ADAMTSL1: variants seen among roughly 807,000 people sequenced by gnomAD.
The protein encoded by ADAMTSL1 is ADAMTS like 1.
ADAMTSL1 carries 126 observed loss-of-function variants against 201.8 expected under a neutral mutation model. That is an observed-to-expected ratio of 0.62 (90% CI 0.54 to 0.72). The LOEUF is 0.72. Among genes scored for constraint, ADAMTSL1 ranks in the 30% least tolerant of loss-of-function variants. The pLI, the probability that ADAMTSL1 is intolerant of heterozygous loss-of-function variation, is 0.00. For missense variants in ADAMTSL1, 2,679 were observed against 2,277.8 expected (o/e 1.18, Z -3.59); for synonymous variants, 1,121 against 903.4 (o/e 1.24, Z -4.32).
intron 1 of ADAMTSL1, among the ~76,000 whole-genome samples, chr9:18,081,694 C>T (rs1420655909): frequency 2.0e-5 from 3 of 152,032 alleles, no homozygotes; most frequent in Non-Finnish European, 4.4e-5. Flanking sequence ...TTTGTTTGTA[C>T]CTCTCCCAAA....
chr9:18,461,501 G>A (rs1382480544), intron 2 of ADAMTSL1, among the ~76,000 whole-genome samples: 2 of 152,048 alleles, frequency 1.3e-5, no homozygotes, highest in Admixed American at 1.3e-4. Flanking sequence ...ATGGTTGATA[G>A]ACATGTTCAA....
At chr9:18,436,141 T>C (rs1264786160) in intron 2 of ADAMTSL1, among the ~76,000 whole-genome samples, 1 of 151,974 alleles carries the variant, frequency 6.6e-6, no homozygotes, top group Non-Finnish European at 1.5e-5. Context: ...TCTAGATTGG[T>C]TTGAGGATTA....
At chr9:18,159,062 G>T (rs1421635660) in intron 1 of ADAMTSL1, among the ~76,000 whole-genome samples, 1 of 151,986 alleles carries the variant, frequency 6.6e-6, no homozygotes, top group Non-Finnish European at 1.5e-5. Flanking sequence ...TTGACATCAA[G>T]CATTTCAGTA....
intron 13 of ADAMTSL1, among the ~76,000 whole-genome samples, chr9:18,701,463 G>C (rs553978560): frequency 6.6e-6 from 1 of 151,992 alleles, no homozygotes; most frequent in Non-Finnish European, 1.5e-5. Flanking sequence ...CAGGCGATCC[G>C]CCCACCTCAG....
intron 1 of ADAMTSL1, among the ~76,000 whole-genome samples, chr9:18,129,105 T>C (rs572642733): frequency 4.7e-4 from 71 of 152,296 alleles, no homozygotes; most frequent in African/African-American, 1.5e-3. Flanking sequence ...TATATCTATG[T>C]CTAGTGAAGA....
At chr9:18,890,666 T>G in intron 25 of ADAMTSL1, 1 of 454,598 alleles carries the variant, frequency 2.2e-6, no homozygotes, top group South Asian at 1.6e-5. Context: ...GAATGATTAA[T>G]GTCCTTTTAT....
intron 20 of ADAMTSL1, among the ~76,000 whole-genome samples, chr9:18,811,404 A>T (rs1192737914): frequency 1.3e-5 from 2 of 152,072 alleles, no homozygotes; most frequent in Admixed American, 1.3e-4. Context: ...GAGAGTGAGG[A>T]CTTGTACCAC....
intron 2 of ADAMTSL1, among the ~76,000 whole-genome samples, chr9:18,177,412 C>G (rs576831268): frequency 6.6e-6 from 1 of 152,088 alleles, no homozygotes; most frequent in Non-Finnish European, 1.5e-5. Flanking sequence ...TAAAACGTTG[C>G]GTCATTTAAT....
At chr9:18,000,198 T>C (rs558297172) in intron 1 of ADAMTSL1, among the ~76,000 whole-genome samples, 128 of 151,350 alleles carry the variant, frequency 8.5e-4, no homozygotes, top group African/African-American at 2.7e-3. Flanking sequence ...CCACAATGGT[T>C]GAACTAGTTT....
chr9:18,273,007 T>A (rs1832440432), intron 2 of ADAMTSL1, among the ~76,000 whole-genome samples: 1 of 152,242 alleles, frequency 6.6e-6, no homozygotes, highest in South Asian at 2.1e-4. Context: ...ATGTTTTAAG[T>A]AATTGGCATT....
chr9:18,152,701 G>T (rs777151933), intron 1 of ADAMTSL1, among the ~76,000 whole-genome samples: 3 of 151,948 alleles, frequency 2.0e-5, no homozygotes, highest in African/African-American at 7.2e-5. Context: ...CCAGTGGGTG[G>T]AAGACGAGCC....
chr9:18,347,345 T>C (rs569789297), intron 2 of ADAMTSL1, among the ~76,000 whole-genome samples: 2 of 152,206 alleles, frequency 1.3e-5, no homozygotes, highest in African/African-American at 4.8e-5. Context: ...TATTGAAAAC[T>C]GGGATGAGAA....
At chr9:18,295,584 T>C (rs2493747) in intron 2 of ADAMTSL1, among the ~76,000 whole-genome samples, 121,204 of 152,054 alleles carry the variant, frequency 0.8, 49,093 homozygotes, top group African/African-American at 0.94. Flanking sequence ...ATGATCTGCC[T>C]GCGTCGGCCT....
chr9:17,918,368 T>C (rs999302763), intron 1 of ADAMTSL1, among the ~76,000 whole-genome samples: 25 of 151,836 alleles, frequency 1.6e-4, no homozygotes, highest in Non-Finnish European at 3.4e-4. Context: ...TACTTTCTTA[T>C]AACCTTTTAT....
chr9:18,131,817 G>C (rs1290766757), intron 1 of ADAMTSL1, among the ~76,000 whole-genome samples: 3 of 152,114 alleles, frequency 2.0e-5, no homozygotes, highest in Non-Finnish European at 4.4e-5. Context: ...CTCTCTAGGT[G>C]ACATTGTGTG....
At chr9:18,370,944 T>G (rs986655352) in intron 2 of ADAMTSL1, among the ~76,000 whole-genome samples, 1 of 152,198 alleles carries the variant, frequency 6.6e-6, no homozygotes, top group African/African-American at 2.4e-5. Context: ...TAAATTATAT[T>G]GCCTTTTGGT....
intron 23 of ADAMTSL1, among the ~76,000 whole-genome samples, chr9:18,874,467 A>G (rs1828028687): frequency 6.6e-6 from 1 of 152,082 alleles, no homozygotes; most frequent in Non-Finnish European, 1.5e-5. Context: ...TGTCTCTTCT[A>G]TGCCAATTTT....
intron 1 of ADAMTSL1, among the ~76,000 whole-genome samples, chr9:18,162,349 T>G (rs1290342293): frequency 6.6e-6 from 1 of 152,028 alleles, no homozygotes; most frequent in Non-Finnish European, 1.5e-5. Flanking sequence ...GTGATTACAT[T>G]GGGCCTACCT....
chr9:18,208,305 C>G (rs1007288907), intron 2 of ADAMTSL1, among the ~76,000 whole-genome samples: 3 of 152,116 alleles, frequency 2.0e-5, no homozygotes, highest in African/African-American at 7.2e-5. Context: ...GGATAGGAAG[C>G]TGTGAAATTG....
Sources: gnomAD v4.1 joint callset for allele counts (sites outside exome capture counted in the v4.1 genomes callset) on GRCh38, gnomAD v4.1.1 for gene constraint, MANE v1.5 for transcripts, NCBI Gene and HGNC (gene_info 2026-07-23, HGNC 2026-07-21) for gene names.